The following SEMA6D variants were observed in gnomAD, a reference collection of about 807,000 sequenced individuals.
The protein encoded by SEMA6D is semaphorin 6D, also known as semaphorin-6D.
SEMA6D carries 35 observed loss-of-function variants against 106.6 expected under a neutral mutation model. That is an observed-to-expected ratio of 0.33 (90% confidence interval 0.25 to 0.44). The LOEUF (loss-of-function observed/expected upper bound fraction) is 0.44. SEMA6D is among the 20% of genes least tolerant of loss of function. SEMA6D has a pLI of 1.00. For missense variants in SEMA6D, 1,185 were observed against 1,345.9 expected (o/e 0.88, Z 1.87); for synonymous variants, 499 against 487.7 (o/e 1.02, Z -0.31).
chr15:47,244,994 C>T (rs2033123299), intron 1 of SEMA6D, among the ~76,000 whole-genome samples: 1 of 151,252 alleles, frequency 6.6e-6, no homozygotes, highest in South Asian at 2.1e-4. Flanking sequence ...TAATAGCCTC[C>T]AGCTCTATCC....
intron 4 of SEMA6D, among the ~76,000 whole-genome samples, chr15:47,704,344 A>T (rs563053351): frequency 6.6e-6 from 1 of 152,144 alleles, no homozygotes; most frequent in Non-Finnish European, 1.5e-5. Context: ...TTATATTTTT[A>T]AAATATTTTG....
At chr15:47,665,400 C>A (rs2078006592) in intron 4 of SEMA6D, among the ~76,000 whole-genome samples, 1 of 152,028 alleles carries the variant, frequency 6.6e-6, no homozygotes, top group Non-Finnish European at 1.5e-5. Flanking sequence ...TCCAGTCTTT[C>A]TTTATCCTGT....
chr15:47,214,866 G>C (rs1322728436), intron 1 of SEMA6D, among the ~76,000 whole-genome samples: 6 of 152,080 alleles, frequency 3.9e-5, no homozygotes, highest in Non-Finnish European at 7.4e-5. Context: ...TGGGCACAAA[G>C]ACCACATCAG....
At chr15:47,582,616 C>T (rs757589837) in intron 3 of SEMA6D, among the ~76,000 whole-genome samples, 1 of 152,150 alleles carries the variant, frequency 6.6e-6, no homozygotes, top group Non-Finnish European at 1.5e-5. Flanking sequence ...TCACACATCC[C>T]TTGCTCCTCA....
intron 3 of SEMA6D, among the ~76,000 whole-genome samples, chr15:47,492,629 T>G (rs1024196495): frequency 6.6e-6 from 1 of 152,208 alleles, no homozygotes; most frequent in Non-Finnish European, 1.5e-5. Context: ...ACTCTGGAAA[T>G]ACCTTAAGTG....
chr15:47,585,312 A>G (rs1016340428), intron 3 of SEMA6D, among the ~76,000 whole-genome samples: 5 of 152,216 alleles, frequency 3.3e-5, no homozygotes, highest in Admixed American at 1.3e-4. Flanking sequence ...AAAATAGGCA[A>G]TCAATGTCTG....
At chr15:47,396,372 A>G (rs548499709) in intron 1 of SEMA6D, 130 of 152,888 alleles carry the variant, frequency 8.5e-4, no homozygotes, top group African/African-American at 2.7e-3. Context: ...GTGAAGTACC[A>G]TGATAGGCCG....
intron 4 of SEMA6D, among the ~76,000 whole-genome samples, chr15:47,709,407 C>G (rs2078973711): frequency 6.6e-6 from 1 of 152,182 alleles, no homozygotes; most frequent in Non-Finnish European, 1.5e-5. Flanking sequence ...GGTTTGCCAT[C>G]TGTTCCCTGC....
chr15:47,254,668 A>C (rs1235036846), intron 1 of SEMA6D, among the ~76,000 whole-genome samples: 1 of 152,098 alleles, frequency 6.6e-6, no homozygotes, highest in Non-Finnish European at 1.5e-5. Context: ...GCATCTATTG[A>C]AGTGATCTTA....
chr15:47,472,752 A>G (rs752769517), intron 3 of SEMA6D, among the ~76,000 whole-genome samples: 1 of 152,244 alleles, frequency 6.6e-6, no homozygotes, highest in African/African-American at 2.4e-5. Flanking sequence ...AAGGAGAGAT[A>G]GGTGAAGACT....
intron 1 of SEMA6D, among the ~76,000 whole-genome samples, chr15:47,260,331 G>T (rs1004878577): frequency 6.6e-6 from 1 of 152,036 alleles, no homozygotes; most frequent in Non-Finnish European, 1.5e-5. Context: ...TTTTATTTTA[G>T]CAAGTAGTCA....
intron 1 of SEMA6D, chr15:47,339,166 A>G (rs1352435497): frequency 6.6e-6 from 1 of 152,006 alleles, no homozygotes; most frequent in Non-Finnish European, 1.5e-5. Flanking sequence ...TGCTTCCCCC[A>G]TACCTCACCC....
intron 1 of SEMA6D, among the ~76,000 whole-genome samples, chr15:47,269,312 C>G (rs1026804205): frequency 6.6e-6 from 1 of 151,470 alleles, no homozygotes; most frequent in Admixed American, 6.6e-5. Flanking sequence ...CAGATGAGCT[C>G]TATCCAAGCA....
chr15:47,493,488 G>C (rs1346144627), intron 3 of SEMA6D, among the ~76,000 whole-genome samples: 1 of 152,074 alleles, frequency 6.6e-6, no homozygotes, highest in African/African-American at 2.4e-5. Context: ...TACCAATGCT[G>C]GGCATTGGAA....
At chr15:47,623,449 A>T (rs781436673) in intron 4 of SEMA6D, among the ~76,000 whole-genome samples, 1 of 152,212 alleles carries the variant, frequency 6.6e-6, no homozygotes, top group Non-Finnish European at 1.5e-5. Flanking sequence ...GATACAAAAT[A>T]ATGTTTGTTG....
chr15:47,264,610 G>A (rs1426003989), intron 1 of SEMA6D, among the ~76,000 whole-genome samples: 1 of 151,928 alleles, frequency 6.6e-6, no homozygotes, highest in Non-Finnish European at 1.5e-5. Context: ...TTCTTGTTGT[G>A]TTTCCCTGGC....
intron 1 of SEMA6D, among the ~76,000 whole-genome samples, chr15:47,407,125 G>A (rs755461145): frequency 6.6e-6 from 1 of 152,020 alleles, no homozygotes; most frequent in African/African-American, 2.4e-5. Flanking sequence ...AGGACTTTGG[G>A]AGGTGAGGCA....
At chr15:47,648,527 A>G (rs1010915571) in intron 4 of SEMA6D, among the ~76,000 whole-genome samples, 3 of 149,674 alleles carry the variant, frequency 2.0e-5, no homozygotes, top group South Asian at 4.1e-4. Context: ...GTAGACGGTA[A>G]TCATACAAAT....
At chr15:47,244,644 C>A (rs187786901) in intron 1 of SEMA6D, among the ~76,000 whole-genome samples, 21 of 152,220 alleles carry the variant, frequency 1.4e-4, no homozygotes, top group Admixed American at 1.2e-3. Context: ...GTCATCCAAG[C>A]CTTTAGGCAC....
Sources: gnomAD v4.1 joint callset for allele counts (sites outside exome capture counted in the v4.1 genomes callset) on GRCh38, gnomAD v4.1.1 for gene constraint, MANE v1.5 for transcripts, NCBI Gene and HGNC (gene_info 2026-07-23, HGNC 2026-07-21) for gene names.